Variants in DGKB observed in about 807,000 individuals in gnomAD.
DGKB encodes the protein diacylglycerol kinase beta, also known as 90 kDa diacylglycerol kinase.
DGKB carries 67 observed loss-of-function variants against 114.3 expected under a neutral mutation model. The observed-to-expected ratio is 0.59, with a 90% CI of 0.48 to 0.72. The LOEUF (loss-of-function observed/expected upper bound fraction) is 0.72. Ranked by LOEUF, DGKB falls within the 30% of genes least tolerant of loss-of-function variation. DGKB has a pLI of 0.00. For missense variants in DGKB, 907 were observed against 975.2 expected (o/e 0.93, Z 0.93); for synonymous variants, 398 against 323.1 (o/e 1.23, Z -2.49).
Position 14,355,160 on chromosome 7 carries a change from T to C in DGKB, c.1836-9769A>G, listed in dbSNP as rs558285200. Reference sequence around the variant, plus strand: ...CTCCCTCTCTCCCCCTCCCTCCCTCTCTCTCTTTCTCCACCAACCCCCCAT... The same window carrying C: ...CTCCCTCTCTCCCCCTCCCTCCCTCCCTCTCTTTCTCCACCAACCCCCCAT... On this transcript the variant is annotated intron_variant, in intron 21 of 25. Transcript: ENST00000402815. Among the ~76,000 whole-genome samples the C allele has an allele frequency of 1.1e-4, 17 of 151,898 alleles. No homozygotes were observed. In the South Asian group the frequency reaches 3.5e-3, roughly 32 times the overall value.
intron 9 of DGKB, among the ~76,000 whole-genome samples, chr7:14,693,212 C>G (rs1398446871): frequency 6.6e-6 from 1 of 152,016 alleles, no homozygotes; most frequent in Non-Finnish European, 1.5e-5. Context: ...GTTCTTTCCA[C>G]CCCTAATGTT....
At chr7:14,595,148 G>A (rs1263240241) in intron 17 of DGKB, among the ~76,000 whole-genome samples, 1 of 152,036 alleles carries the variant, frequency 6.6e-6, no homozygotes, top group Non-Finnish European at 1.5e-5. Flanking sequence ...TTAATTAGCT[G>A]ATGAATTGGG....
At chr7:14,927,125 T>C (rs1053927552) in intron 1 of DGKB, among the ~76,000 whole-genome samples, 62 of 150,984 alleles carry the variant, frequency 4.1e-4, no homozygotes, top group South Asian at 1.5e-3. Context: ...TCGGAGTTTC[T>C]TGTTGGAGTG....
chr7:14,804,521 A>C (rs1330751190), intron 2 of DGKB, among the ~76,000 whole-genome samples: 1 of 152,074 alleles, frequency 6.6e-6, no homozygotes, highest in Non-Finnish European at 1.5e-5. Context: ...TTTCCAGGTC[A>C]GCACTAGGTG....
At chr7:14,305,420 T>C (rs1175248550) in intron 23 of DGKB, among the ~76,000 whole-genome samples, 1 of 152,114 alleles carries the variant, frequency 6.6e-6, no homozygotes, top group African/African-American at 2.4e-5. Flanking sequence ...TTTGATAATA[T>C]TAAATAAAGG....
chr7:14,778,964 T>C (rs1838653788), intron 2 of DGKB, among the ~76,000 whole-genome samples: 2 of 152,162 alleles, frequency 1.3e-5, no homozygotes, highest in Admixed American at 1.3e-4. Flanking sequence ...GAGATCAACC[T>C]GGCCAACATG....
intron 13 of DGKB, among the ~76,000 whole-genome samples, chr7:14,645,935 G>T (rs903095689): frequency 3.3e-5 from 5 of 151,960 alleles, no homozygotes; most frequent in African/African-American, 1.2e-4. Context: ...CAAGCAAACT[G>T]CAAAAAATAA....
intron 23 of DGKB, among the ~76,000 whole-genome samples, chr7:14,281,278 T>C (rs1449792887): frequency 6.6e-6 from 1 of 151,408 alleles, no homozygotes; most frequent in African/African-American, 2.4e-5. Context: ...CATTACATAA[T>C]GGTAAAGGGA....
intron 2 of DGKB, among the ~76,000 whole-genome samples, chr7:14,810,654 GTGGCACAATCT>G (rs1339722377): frequency 6.6e-6 from 1 of 152,050 alleles, no homozygotes; most frequent in East Asian, 1.9e-4. Flanking sequence ...CTGAAGTGCA[GTGGCACAATCT>G]TGGCACGATC....
chr7:14,371,139 G>C (rs960457430), intron 21 of DGKB, among the ~76,000 whole-genome samples: 1 of 152,072 alleles, frequency 6.6e-6, no homozygotes, highest in African/African-American at 2.4e-5. Flanking sequence ...TATGAGTGCA[G>C]GTGTCTTTTT....
At chr7:14,177,509 G>C (rs182226930) in intron 24 of DGKB, among the ~76,000 whole-genome samples, 2 of 133,374 alleles carry the variant, frequency 1.5e-5, no homozygotes, top group African/African-American at 2.9e-5. Context: ...AGCCAAGATC[G>C]TGCCACTGCA....
intron 21 of DGKB, among the ~76,000 whole-genome samples, chr7:14,423,669 A>G (rs989646851): frequency 6.6e-6 from 1 of 152,146 alleles, no homozygotes; most frequent in African/African-American, 2.4e-5. Flanking sequence ...AATTCAGAAC[A>G]GAACTTCTTT....
intron 23 of DGKB, among the ~76,000 whole-genome samples, chr7:14,308,710 TGAAAG>T (rs1804878025): frequency 6.6e-6 from 1 of 152,150 alleles, no homozygotes; most frequent in Non-Finnish European, 1.5e-5. Flanking sequence ...ATTGAGGACC[TGAAAG>T]AGGGACTAGG....
At chr7:14,524,213 G>C (rs1467968675) in intron 20 of DGKB, among the ~76,000 whole-genome samples, 1 of 151,948 alleles carries the variant, frequency 6.6e-6, no homozygotes, top group Non-Finnish European at 1.5e-5. Context: ...GATACACCAA[G>C]AGTTTAAATT....
At chr7:14,655,744 T>C (rs113474336) in intron 13 of DGKB, among the ~76,000 whole-genome samples, 2 of 151,764 alleles carry the variant, frequency 1.3e-5, no homozygotes, top group Non-Finnish European at 3.0e-5. Context: ...GCAACATGGA[T>C]GAACCTGAAG....
intron 1 of DGKB, among the ~76,000 whole-genome samples, chr7:14,926,787 G>T (rs376030973): frequency 3.3e-5 from 5 of 151,712 alleles, no homozygotes; most frequent in Non-Finnish European, 5.9e-5. Context: ...AGCTCTTGTT[G>T]GTAGTGCCTG....
intron 21 of DGKB, among the ~76,000 whole-genome samples, chr7:14,473,184 T>C (rs1225200495): frequency 1.3e-5 from 2 of 152,116 alleles, no homozygotes; most frequent in African/African-American, 4.8e-5. Context: ...AAAATGGTTT[T>C]GTGAGCCAAG....
At chr7:14,178,388 C>A (rs1782098979) in intron 23 of DGKB, among the ~76,000 whole-genome samples, 1 of 137,986 alleles carries the variant, frequency 7.2e-6, no homozygotes, top group Non-Finnish European at 1.5e-5. Flanking sequence ...ATGGGAAGCA[C>A]AGATTCTGAG....
intron 23 of DGKB, among the ~76,000 whole-genome samples, chr7:14,202,648 C>A (rs1786090208): frequency 6.6e-6 from 1 of 151,792 alleles, no homozygotes. Flanking sequence ...TTATATAGAA[C>A]TGCCTATTAA....
Sources: gnomAD v4.1 joint callset for allele counts (sites outside exome capture counted in the v4.1 genomes callset) on GRCh38, gnomAD v4.1.1 for gene constraint, MANE v1.5 for transcripts, NCBI Gene and HGNC (gene_info 2026-07-23, HGNC 2026-07-21) for gene names.